The following CACUL1 variants were observed in gnomAD, a reference collection of about 807,000 sequenced individuals.
CACUL1 encodes CDK2-associated and cullin domain-containing protein 1.
In CACUL1, 13 loss-of-function variants were observed where a neutral mutation model predicts 45.2. The observed-to-expected ratio is 0.29, with a 90% CI of 0.19 to 0.46. The LOEUF is 0.46. CACUL1 is among the 20% of genes least tolerant of loss of function. The pLI is 1.00. For missense variants in CACUL1, 421 were observed against 471.4 expected (o/e 0.89, Z 0.99); for synonymous variants, 197 against 174.2 (o/e 1.13, Z -1.03).
chr10:118,746,364 T>A (rs1297097921), intron 1 of CACUL1, among the ~76,000 whole-genome samples: 1 of 152,134 alleles, frequency 6.6e-6, no homozygotes, highest in Non-Finnish European at 1.5e-5. Flanking sequence ...AAGAAAAGGA[T>A]AGTCTTTTCA....
At chr10:118,745,217 T>C (rs1018262867) in intron 1 of CACUL1, among the ~76,000 whole-genome samples, 26 of 152,038 alleles carry the variant, frequency 1.7e-4, no homozygotes. Context: ...ACCATGCTAA[T>C]AAGCCAAACT....
rs1363742750 is a variant in CACUL1, at chr10:118,754,599, C to A, written c.164G>T (p.Gly55Val). 2 of 1,608,976 alleles carry A rather than the reference C, an allele frequency of 1.2e-6. No homozygotes were observed. The highest frequency in any genetic ancestry group is 1.3e-5 in the African/African-American group (1 of 74,608). The part of the protein sequence containing the change: ...IPAPAREPPG[G>V]QLLAVPAVSV... ...GACCGCGGGCACCGCCAGCAGCTGCCCCCCCGGAGGCTCTCGGGCAGGGGC... is the reference window on the plus strand; with the variant it reads ...GACCGCGGGCACCGCCAGCAGCTGCACCCCCGGAGGCTCTCGGGCAGGGGC... Residue 55 changes from glycine to valine, a missense_variant, in exon 1 of 9, where the codon GGG (glycine) becomes GTG (valine). This residue lies in a region of CACUL1 where 213 missense variants were observed against 173.1 expected (regional missense o/e 1.23). Coordinates refer to ENST00000369151, the MANE Select transcript of CACUL1 (RefSeq NM_153810.5).
intron 3 of CACUL1, among the ~76,000 whole-genome samples, chr10:118,718,544 C>T (rs1385476223): frequency 2.6e-5 from 4 of 152,178 alleles, no homozygotes; most frequent in East Asian, 1.9e-4. Flanking sequence ...AAACACCTCA[C>T]GGCCCGTGAA....
intron 1 of CACUL1, among the ~76,000 whole-genome samples, chr10:118,751,422 AT>A (rs1189135669): frequency 6.6e-6 from 1 of 151,922 alleles, no homozygotes; most frequent in Non-Finnish European, 1.5e-5. Flanking sequence ...TATTAAATTT[AT>A]TTTTTCTCTA....
intron 3 of CACUL1, among the ~76,000 whole-genome samples, chr10:118,709,068 A>G (rs1202743388): frequency 6.6e-6 from 1 of 152,230 alleles, no homozygotes; most frequent in Non-Finnish European, 1.5e-5. Context: ...ATCAGTTAAC[A>G]CATATTTTGT....
In CACUL1 at chr10:118,707,511, A is replaced by ACAATGCTCTG; in HGVS notation, c.664_673dup (p.Val225AlafsTer12). On this transcript the variant is annotated frameshift_variant, in exon 4 of 9. Transcript: ENST00000369151. LOFTEE classifies it high-confidence loss of function. ...ACTTACCATATATATGAAAAGAGGC[A>ACAATGCTCTG]CAATGCTCTGCAATGCTCCCATATA... 6.5e-7 allele frequency: 1 copy of ACAATGCTCTG among 1,544,200 alleles called. No individual in the cohort carries two copies. Among genetic ancestry groups the ACAATGCTCTG allele is most frequent in the Non-Finnish European group, 9.0e-7 (1 of 1,117,228 alleles).
At position 118,679,224 on chromosome 10, in the gene CACUL1, ACAGAGTCTCGCTCTGTTGCTCAGGC is replaced by A. The variant is rs1480355596; in HGVS notation, c.*6879_*6903del. ...CCAACTTTTTTTGTGTTTTTTTGAG[ACAGAGTCTCGCTCTGTTGCTCAGGC>A]CAGAGTCCAGTGGTGTGACCTTAGC... On this transcript the variant is annotated 3_prime_UTR_variant, in exon 9 of 9. Transcript: ENST00000369151. The A allele has an allele frequency of 1.3e-5, 2 of 151,880 alleles. No homozygotes were observed. The highest frequency in any genetic ancestry group is 2.9e-5 in the Non-Finnish European group (2 of 68,000). 9.4% of individuals were successfully genotyped at this position (151,880 alleles called of 1,614,324 possible).
intron 3 of CACUL1, among the ~76,000 whole-genome samples, chr10:118,725,220 C>T (rs1845640989): frequency 6.6e-6 from 1 of 152,162 alleles, no homozygotes; most frequent in Non-Finnish European, 1.5e-5. Flanking sequence ...GTAATACCAG[C>T]ACTTTGGGAG....
chr10:118,733,695 C>T (rs778034358), intron 1 of CACUL1, among the ~76,000 whole-genome samples: 9 of 152,138 alleles, frequency 5.9e-5, no homozygotes, highest in Non-Finnish European at 1.3e-4. Flanking sequence ...CAACTTTGCC[C>T]ATAGAAAAGC....
chr10:118,727,170 C>G (rs1182321045), intron 3 of CACUL1, among the ~76,000 whole-genome samples: 1 of 152,088 alleles, frequency 6.6e-6, no homozygotes, highest in African/African-American at 2.4e-5. Context: ...TGGCAGATCG[C>G]TTGAGTCCAG....
chr10:118,738,915 A>AAAAAAAAAAAAAAAAT (rs59742595), intron 1 of CACUL1, among the ~76,000 whole-genome samples: 1 of 147,522 alleles, frequency 6.8e-6, no homozygotes, highest in African/African-American at 2.6e-5. Flanking sequence ...AAAAAAAAAA[A>AAAAAAAAAAAAAAAAT]GCCTGGGCGC....
chr10:118,740,551 A>G (rs1010409296), intron 1 of CACUL1, among the ~76,000 whole-genome samples: 3 of 152,120 alleles, frequency 2.0e-5, no homozygotes, highest in Admixed American at 6.5e-5. Flanking sequence ...CAGAGACTAC[A>G]GTGAGCCGAG....
chr10:118,729,574 GAA>G (rs1318175251), intron 2 of CACUL1, among the ~76,000 whole-genome samples, 177 bp from the exon 3 acceptor site: 2 of 152,184 alleles, frequency 1.3e-5, no homozygotes, highest in African/African-American at 4.8e-5. Flanking sequence ...TGTTCGGATG[GAA>G]AAGATAGTAC....
chr10:118,706,153 A>G (rs924096379), intron 4 of CACUL1, among the ~76,000 whole-genome samples: 3 of 152,208 alleles, frequency 2.0e-5, no homozygotes, highest in Admixed American at 2.0e-4. Context: ...TAAACTAGCT[A>G]TTTACCTTTT....
intron 1 of CACUL1, among the ~76,000 whole-genome samples, chr10:118,733,289 C>T (rs1266660938): frequency 6.6e-6 from 1 of 152,020 alleles, no homozygotes; most frequent in Non-Finnish European, 1.5e-5. Flanking sequence ...TTGAAAAAGG[C>T]ATGTGTCACA....
rs541993521 is a variant in CACUL1 at position 118,679,023 on chromosome 10, GTTTTC to G, written c.*7100_*7104del. On this transcript the variant is annotated 3_prime_UTR_variant, in exon 9 of 9. Transcript: ENST00000369151. Reference sequence around the variant, plus strand: ...AGTGTGTTCATTTTTCCTTTTTGTAGTTTTCTTTTAACTTTTTAAATATTTTTCTC... The same window carrying G: ...AGTGTGTTCATTTTTCCTTTTTGTAGTTTTAACTTTTTAAATATTTTTCTC... 100 of 152,142 alleles carry G rather than the reference GTTTTC, an allele frequency of 6.6e-4. No individual in the cohort carries two copies. The highest frequency in any genetic ancestry group is 2.1e-3 in the African/African-American group (86 of 41,492). 9.4% of individuals were successfully genotyped at this position (152,142 alleles called of 1,614,324 possible).
chr10:118,743,633 G>A (rs1378188296), intron 1 of CACUL1, among the ~76,000 whole-genome samples: 1 of 152,114 alleles, frequency 6.6e-6, no homozygotes, highest in East Asian at 1.9e-4. Flanking sequence ...GGAGGCTGAG[G>A]CAGGAGAATC....
intron 3 of CACUL1, among the ~76,000 whole-genome samples, chr10:118,710,995 C>G (rs1845479560): frequency 6.6e-6 from 1 of 152,118 alleles, no homozygotes; most frequent in Non-Finnish European, 1.5e-5. Flanking sequence ...TTGAAAATGT[C>G]AAGTATTACA....
intron 7 of CACUL1, among the ~76,000 whole-genome samples, chr10:118,687,097 A>G (rs1178758497): frequency 6.6e-6 from 1 of 152,158 alleles, no homozygotes; most frequent in Non-Finnish European, 1.5e-5. Context: ...GTAATGCCAC[A>G]GCACACATTC....
Sources: gnomAD v4.1 joint callset for allele counts (sites outside exome capture counted in the v4.1 genomes callset) on GRCh38, gnomAD v4.1.1 for gene constraint, gnomAD v4.1.1 regional missense constraint, MANE v1.5 for transcripts, NCBI Gene and HGNC (gene_info 2026-07-23, HGNC 2026-07-21) for gene names.